TASOR2: variants seen among roughly 807,000 people sequenced by gnomAD.
The protein encoded by TASOR2 is protein TASOR 2.
Under a neutral mutation model 199.5 loss-of-function variants are expected in TASOR2, and 84 were observed. That is an observed-to-expected ratio of 0.42 (90% CI 0.35 to 0.50). The LOEUF is 0.50. TASOR2 is among the 20% of genes least tolerant of loss of function. The probability of loss-of-function intolerance (pLI) is 0.02; values close to 1 mark genes in which losing one functional copy is unlikely to be tolerated. For missense variants in TASOR2, 2,796 were observed against 2,835.9 expected (o/e 0.99, Z 0.32); for synonymous variants, 1,103 against 1,046.6 (o/e 1.05, Z -1.04).
chr10:5,702,542 T>C (rs1837998544), intron 1 of TASOR2, among the ~76,000 whole-genome samples: 1 of 152,032 alleles, frequency 6.6e-6, no homozygotes, highest in African/African-American at 2.4e-5. Flanking sequence ...CTTTAAATGT[T>C]TGGTAGAATC....
chr10:5,739,243 T>C (rs1258221522), intron 12 of TASOR2, among the ~76,000 whole-genome samples: 1 of 152,208 alleles, frequency 6.6e-6, no homozygotes, highest in African/African-American at 2.4e-5. Context: ...TCATCTTTTT[T>C]GGGTTTTTTT....
chr10:5,754,460 G>A lies in TASOR2; in HGVS notation c.6607-2153G>A, dbSNP rs1012699193. Among the ~76,000 whole-genome samples, 5 of 151,912 alleles carry A rather than the reference G, an allele frequency of 3.3e-5. No individual in the cohort carries two copies. The highest frequency in any genetic ancestry group is 1.2e-4 in the African/African-American group (5 of 41,330). ...GCTGGAGTGCAGTGGCGCGATCTCA[G>A]CTCACTGCAGCCTCCGTCTTCTGGT... is the stretch of plus-strand genomic sequence containing the variant. On this transcript the variant is annotated intron_variant, in intron 15 of 20. Transcript: ENST00000328090. The surrounding 1 kb of genome is among the most constrained non-coding windows in gnomAD (Gnocchi z 4.3).
chr10:5,739,658 A>G, exon 13 of TASOR2: 1 of 1,613,704 alleles, frequency 6.2e-7, no homozygotes, highest in Non-Finnish European at 8.5e-7. Flanking sequence ...CAGAAATTTC[A>G]AGAGGTTGTC....
intron 18 of TASOR2, among the ~76,000 whole-genome samples, chr10:5,760,443 T>A (rs1839639722): frequency 6.6e-6 from 1 of 152,220 alleles, no homozygotes; most frequent in Admixed American, 6.5e-5. Context: ...TGACCTTTTG[T>A]GGAATTTACC....
At chr10:5,709,788 A>T in intron 1 of TASOR2, 1 of 854,044 alleles carries the variant, frequency 1.2e-6, no homozygotes, top group Non-Finnish European at 1.5e-6. Flanking sequence ...GATTTCCAGT[A>T]CCTATATTTT....
intron 12 of TASOR2, among the ~76,000 whole-genome samples, chr10:5,736,411 C>T (rs972217871): frequency 3.0e-5 from 2 of 66,722 alleles, no homozygotes; most frequent in South Asian, 1.1e-3. Flanking sequence ...GAGCGAGACT[C>T]CGTCTCAGAA....
chr10:5,700,698 T>C (rs1837714901), intron 1 of TASOR2, among the ~76,000 whole-genome samples: 1 of 152,220 alleles, frequency 6.6e-6, no homozygotes, highest in Non-Finnish European at 1.5e-5. Flanking sequence ...TGAGGATTTT[T>C]TCATACACCT....
chr10:5,762,942 G>T, intron 20 of TASOR2, 87 bp from the exon 22 acceptor site: 2 of 1,297,482 alleles, frequency 1.5e-6, no homozygotes, highest in Non-Finnish European at 2.2e-6. Context: ...ATGCATAGGC[G>T]TTTTCCCCAT....
Position 5,747,677 on chromosome 10 carries a change from C to G in TASOR2, c.4256C>G (p.Ala1419Gly), listed in dbSNP as rs138535575. 1.9e-6 allele frequency: 3 copies of G among 1,614,152 alleles called. No homozygotes were observed. In the African/African-American group the frequency reaches 4.0e-5, roughly 22 times the overall value. The change falls in exon 15 of 21, where the codon GCT becomes GGT. Residue 1419 changes from alanine to glycine, a missense_variant. By Grantham distance (60) the Ala-to-Gly change is moderately conservative. Around this residue, in one of 3 missense-constraint regions of TASOR2, gnomAD observed 1,941 missense variants for 1,924.9 expected, o/e 1.01. Transcript: ENST00000328090. ...GTTAAAGAGACACGACCATATCAGG[C>G]TGTGACTCCATGCATTTTAAAACTT... is the stretch of plus-strand genomic sequence containing the variant.
chr10:5,730,741 C>G lies in TASOR2; in HGVS notation c.742C>G (p.Pro248Ala), dbSNP rs760799901. 1.2e-6 allele frequency: 2 copies of G among 1,614,150 alleles called. No homozygotes were observed. The highest frequency in any genetic ancestry group is 1.7e-6 in the Non-Finnish European group (2 of 1,180,022). Residue 248 changes from proline to alanine, a missense_variant, in exon 11 of 21, where the codon CCA becomes GCA. Pro to Ala is a conservative substitution (Grantham distance 27). This residue lies in a region of TASOR2 where 847 missense variants were observed against 887.4 expected (regional missense o/e 0.95). Coordinates refer to ENST00000328090, the Ensembl canonical transcript of TASOR2. This position sits in a 1 kb window ranked among gnomAD's most constrained non-coding sequence, Gnocchi z 4.1. ...GCCCAGTGGTTTTGACTTGATTCCTCCAGCTGAAAAGTGCCCTTCAGAGTC... is the reference window on the plus strand; with the variant it reads ...GCCCAGTGGTTTTGACTTGATTCCTGCAGCTGAAAAGTGCCCTTCAGAGTC...
In TASOR2 at chr10:5,685,227, G is replaced by A; in HGVS notation, c.-288+52G>A. 2.5e-6 allele frequency: 1 copy of A among 397,634 alleles called. No homozygotes were observed. The highest frequency in any genetic ancestry group is 4.4e-6 in the Non-Finnish European group (1 of 225,374). 24.6% of individuals were successfully genotyped at this position (397,634 alleles called of 1,614,324 possible). A position where few individuals can be genotyped will look rare whatever the true frequency, so the allele number is the denominator to read the frequency against. On this transcript the variant is annotated intron_variant, in intron 1 of 20. Transcript: ENST00000328090. The surrounding 1 kb of genome is among the most constrained non-coding windows in gnomAD (Gnocchi z 5.4). ...CGGGAACCCTGCGAGGAGGACGGCGGGTCCCCGAGGCCGAGCGCTCGGGCA... is the reference window on the plus strand; with the variant it reads ...CGGGAACCCTGCGAGGAGGACGGCGAGTCCCCGAGGCCGAGCGCTCGGGCA...
At chr10:5,743,887 C>G (rs1261438474) in intron 14 of TASOR2, 1 of 86,856 alleles carries the variant, frequency 1.2e-5, no homozygotes, top group Non-Finnish European at 2.3e-5. Context: ...AATGCTGTGC[C>G]TGTACTTGAA....
Position 5,712,928 on chromosome 10 carries a change from T to C in TASOR2, c.-192+10T>C. 1 of 1,203,626 alleles carries C rather than the reference T, an allele frequency of 8.3e-7. No individual in the cohort carries two copies. The highest frequency in any genetic ancestry group is 3.2e-5 in the East Asian group (1 of 31,450). The allele number at this position is 1,203,626 out of a possible 1,614,324, so 74.6% of individuals were successfully genotyped here. On this transcript the variant is annotated intron_variant, in intron 2 of 20. Transcript: ENST00000328090. Reference sequence around the variant, plus strand: ...TGATACTGAAAAGCAGGTAAGGGAATTAGGTTGTAGAAAATTAATGGTATC... The same window carrying C: ...TGATACTGAAAAGCAGGTAAGGGAACTAGGTTGTAGAAAATTAATGGTATC...
chr10:5,739,713 A>G, exon 13 of TASOR2: 1 of 1,614,184 alleles, frequency 6.2e-7, no homozygotes, highest in Non-Finnish European at 8.5e-7. Flanking sequence ...AGAAAATACC[A>G]CAGCGGCTCA....
chr10:5,711,225 G>A (rs546012132), intron 1 of TASOR2, among the ~76,000 whole-genome samples: 2 of 152,084 alleles, frequency 1.3e-5, no homozygotes, highest in East Asian at 1.9e-4. Context: ...AAAGTATTAG[G>A]ACAATTTAGT....
At chr10:5,723,422 T>C (rs541982377) in intron 6 of TASOR2, among the ~76,000 whole-genome samples, 1 of 152,220 alleles carries the variant, frequency 6.6e-6, no homozygotes, top group South Asian at 2.1e-4. Flanking sequence ...TTTTGACACA[T>C]CTAGATACTT....
intron 14 of TASOR2, chr10:5,744,068 A>G (rs1210934477): frequency 6.6e-6 from 1 of 152,180 alleles, no homozygotes; most frequent in Non-Finnish European, 1.5e-5. Context: ...ATTACACTTT[A>G]CCTGTAGTAA....
chr10:5,741,942 T>G (rs966768430), intron 13 of TASOR2, among the ~76,000 whole-genome samples, 155 bp from the exon 15 acceptor site: 1 of 152,218 alleles, frequency 6.6e-6, no homozygotes, highest in Non-Finnish European at 1.5e-5. Flanking sequence ...ATTTGTTAAG[T>G]CAACTACATA....
chr10:5,720,630 G>T lies in TASOR2; in HGVS notation c.-13G>T. The T allele has an allele frequency of 6.2e-7, 1 of 1,613,868 alleles. No homozygotes were observed. Among genetic ancestry groups the T allele is most frequent in the Non-Finnish European group, 8.5e-7 (1 of 1,179,944 alleles). On this transcript the variant is annotated 5_prime_UTR_variant, in exon 4 of 21. Coordinates refer to ENST00000328090, the Ensembl canonical transcript of TASOR2. This position sits in a 1 kb window ranked among gnomAD's most constrained non-coding sequence, Gnocchi z 5.3. ...ATGTAATTGTAGCTTTTCGATACAG[G>T]GAATCTAAAACTATGGCACCACCAG... is the stretch of plus-strand genomic sequence containing the variant.
Sources: allele counts gnomAD v4.1 joint callset (sites outside exome capture counted in the v4.1 genomes callset), GRCh38; gene constraint gnomAD v4.1.1; regional missense constraint gnomAD v4.1.1; non-coding constraint Gnocchi (gnomAD v3.1); transcripts MANE v1.5; gene names NCBI Gene and HGNC (gene_info 2026-07-23, HGNC 2026-07-21).